The following PLA2G4C variants were observed in gnomAD, a reference collection of about 807,000 sequenced individuals.
PLA2G4C encodes the protein cytosolic phospholipase A2 gamma.
Under a neutral mutation model 73.8 loss-of-function variants are expected in PLA2G4C, and 64 were observed. The ratio of observed to expected loss-of-function variants is 0.87; its 90% CI spans 0.71 to 1.07. The LOEUF is 1.07. Ranked by LOEUF, PLA2G4C falls within the 50% of genes least tolerant of loss-of-function variation. The probability of loss-of-function intolerance (pLI) is 0.00; values close to 1 mark genes in which losing one functional copy is unlikely to be tolerated. For synonymous variants in PLA2G4C, 254 were observed against 252.1 expected (o/e 1.01, Z -0.07); for missense variants, 622 against 665.4 (o/e 0.93, Z 0.72).
chr19:48,057,549 G>C (rs1056239663), intron 14 of PLA2G4C, among the ~76,000 whole-genome samples: 20 of 131,404 alleles, frequency 1.5e-4, no homozygotes, highest in African/African-American at 4.3e-4. Flanking sequence ...GAGTGCAGTG[G>C]CGGGATCTTG....
Position 48,062,151 on chromosome 19 carries a change from A to C in PLA2G4C, c.1104T>G (p.Gly368=). The part of the protein sequence containing the change: ...GTTHNFLYKH[G]GIRDKIMSSR... ...TGCTCATTATCTTGTCCCGGATGCC[A>C]CCTGTGGTGCCCAGGAAGAAAGAGG... Residue 368 remains glycine (G), a splice_region_variant and synonymous_variant, in exon 14 of 17, where the codon GGT becomes GGG. Coordinates refer to ENST00000599921, the MANE Select transcript of PLA2G4C (RefSeq NM_003706.3). The C allele has an allele frequency of 6.4e-7, 1 of 1,559,130 alleles. No individual in the cohort carries two copies. The highest frequency in any genetic ancestry group is 8.7e-7 in the Non-Finnish European group (1 of 1,150,806).
At position 48,110,540 on chromosome 19, in the gene PLA2G4C, A is replaced by T. The variant is rs2032452365; in HGVS notation, c.-86T>A. The T allele has an allele frequency of 6.5e-7, 1 of 1,532,342 alleles. No individual in the cohort carries two copies. The highest frequency in any genetic ancestry group is 8.8e-7 in the Non-Finnish European group (1 of 1,142,414). 94.9% of individuals were successfully genotyped at this position (1,532,342 alleles called of 1,614,324 possible). A position where few individuals can be genotyped will look rare whatever the true frequency, so the allele number is the denominator to read the frequency against. ...TGCGCGGTGGAGCTTGTGCTCCGGAATCCGGTGCGGAGGCTTGGGCTCCCT... is the reference window on the plus strand; with the variant it reads ...TGCGCGGTGGAGCTTGTGCTCCGGATTCCGGTGCGGAGGCTTGGGCTCCCT... On this transcript the variant is annotated 5_prime_UTR_variant, in exon 1 of 17. Transcript: ENST00000599921.
chr19:48,110,473 C>T lies in PLA2G4C; in HGVS notation c.-33+14G>A, dbSNP rs1277659961. On this transcript the variant is annotated intron_variant, in intron 1 of 16. Transcript: ENST00000599921. ...CAGCGGGATGAAACAGCCCTCCCTG[C>T]CCCCACGGCTTGCCTGAGCCTGGGT... The T allele has an allele frequency of 8.2e-6, 12 of 1,456,412 alleles. No individual in the cohort carries two copies. In the Admixed American group the frequency reaches 2.4e-4, roughly 29 times the overall value. The allele number at this position is 1,456,412 out of a possible 1,614,324, so 90.2% of individuals were successfully genotyped here.
Position 48,048,196 on chromosome 19 carries a change from A to G in PLA2G4C, c.*147T>C. On this transcript the variant is annotated 3_prime_UTR_variant, in exon 17 of 17. Transcript: ENST00000599921. Reference sequence around the variant, plus strand: ...TATCAAAATCACAGTCTAGCTGGTCACTGGTGATTGGCCCTGTTAGGACAG... The same window carrying G: ...TATCAAAATCACAGTCTAGCTGGTCGCTGGTGATTGGCCCTGTTAGGACAG... 1.6e-6 allele frequency: 1 copy of G among 614,806 alleles called. No homozygotes were observed. Among genetic ancestry groups the G allele is most frequent in the South Asian group, 2.0e-5 (1 of 49,614 alleles). 38.1% of individuals were successfully genotyped at this position (614,806 alleles called of 1,614,324 possible).
chr19:48,053,421 G>T (rs1015263353), intron 15 of PLA2G4C, among the ~76,000 whole-genome samples: 18 of 143,722 alleles, frequency 1.3e-4, no homozygotes, highest in Non-Finnish European at 1.3e-4. Context: ...CCAGGCTGGA[G>T]TCCAATGGCA....
intron 16 of PLA2G4C, among the ~76,000 whole-genome samples, chr19:48,049,419 C>T (rs765778351): frequency 2.0e-5 from 3 of 152,058 alleles, no homozygotes; most frequent in African/African-American, 7.2e-5. Flanking sequence ...CTCAGCACAC[C>T]GCACGTTCGG....
Position 48,077,776 on chromosome 19 carries a change from G to T in PLA2G4C, c.893C>A (p.Pro298Gln), listed in dbSNP as rs760707526. The change falls in exon 11 of 17, where the codon CCA (proline) becomes CAA (glutamine). Residue 298 changes from proline (P) to glutamine (Q), a missense_variant. Coordinates refer to ENST00000599921, the MANE Select transcript of PLA2G4C (RefSeq NM_003706.3). ...TGGCAAAGTAGGATGCTTACCTTCT[G>T]GGGGAGGATGTTCCCCTTGTGAACT... ...QESSQGEHPPPEDEGGEPEHT... is the reference protein window; with the variant it reads ...QESSQGEHPPQEDEGGEPEHT... The T allele has an allele frequency of 1.5e-5, 23 of 1,546,030 alleles. No individual in the cohort carries two copies. Among genetic ancestry groups the T allele is most frequent in the African/African-American group, 2.7e-5 (2 of 73,966 alleles).
intron 13 of PLA2G4C, among the ~76,000 whole-genome samples, chr19:48,067,142 C>T (rs113396065): frequency 9.2e-5 from 14 of 151,486 alleles, no homozygotes; most frequent in African/African-American, 1.2e-4. Flanking sequence ...GGGTCAGTCC[C>T]CTGAAGGGAA....
chr19:48,077,670 A>G, intron 11 of PLA2G4C, 101 bp downstream of exon 11: 1 of 857,424 alleles, frequency 1.2e-6, no homozygotes, highest in Non-Finnish European at 1.8e-6. Flanking sequence ...AAGGAGCACC[A>G]CATGAATCAG....
chr19:48,110,554 C>CTTGGGCTCCGGAATCCGGTGCGGAGGT lies in PLA2G4C; in HGVS notation c.-101_-100insACCTCCGCACCGGATTCCGGAGCCCAA. The stretch of plus-strand genomic sequence containing the variant: ...TGTGCTCCGGAATCCGGTGCGGAGG[C>CTTGGGCTCCGGAATCCGGTGCGGAGGT]TTGGGCTCCCTGCGCTTAGCGGTGT... On this transcript the variant is annotated 5_prime_UTR_variant, in exon 1 of 17. Transcript: ENST00000599921. 1.3e-6 allele frequency: 2 copies of CTTGGGCTCCGGAATCCGGTGCGGAGGT among 1,489,874 alleles called. No homozygotes were observed. The highest frequency in any genetic ancestry group is 1.2e-5 in the South Asian group (1 of 80,148). The allele number at this position is 1,489,874 out of a possible 1,614,324, so 92.3% of individuals were successfully genotyped here.
chr19:48,061,974 G>C (rs375520931), intron 14 of PLA2G4C, 24 bp downstream of exon 14: 1 of 1,611,686 alleles, frequency 6.2e-7, no homozygotes, highest in Non-Finnish European at 8.5e-7. Flanking sequence ...ACCCAGGACC[G>C]GCCCCAAAGC....
At chr19:48,056,056 T>A (rs1465570726) in intron 14 of PLA2G4C, among the ~76,000 whole-genome samples, 1 of 152,214 alleles carries the variant, frequency 6.6e-6, no homozygotes, top group Non-Finnish European at 1.5e-5. Flanking sequence ...AGTTTCTCAG[T>A]TGTAACAAGT....
intron 13 of PLA2G4C, among the ~76,000 whole-genome samples, chr19:48,067,015 T>A (rs1284046001): frequency 6.6e-6 from 1 of 151,194 alleles, no homozygotes; most frequent in Non-Finnish European, 1.5e-5. Flanking sequence ...GGTGCAGGGA[T>A]TGGCATGGTC....
At chr19:48,050,395 C>T (rs548683645) in intron 16 of PLA2G4C, among the ~76,000 whole-genome samples, 6 of 152,238 alleles carry the variant, frequency 3.9e-5, no homozygotes, top group South Asian at 2.1e-4. Flanking sequence ...CTCTACCTTG[C>T]GACCCTGAGG....
Position 48,079,373 on chromosome 19 carries a change from T to C in PLA2G4C, c.845-1549A>G, listed in dbSNP as rs11564587. Among the ~76,000 whole-genome samples the C allele has an allele frequency of 1.8e-4, 28 of 152,192 alleles. No homozygotes were observed. In the East Asian group the frequency reaches 4.2e-3, roughly 23 times the overall value. On this transcript the variant is annotated intron_variant, in intron 10 of 16. Transcript: ENST00000599921. ...GAGCCCAGAAATAAAGCCAAATACT[T>C]ATAGCCAAGTGATCTTCGACAAAGC...
chr19:48,089,496 T>C (rs2031174309), intron 8 of PLA2G4C, among the ~76,000 whole-genome samples: 1 of 152,162 alleles, frequency 6.6e-6, no homozygotes, highest in Admixed American at 6.5e-5. Flanking sequence ...TGAATATACA[T>C]TAAATGAATG....
chr19:48,098,143 T>A lies in PLA2G4C; in HGVS notation c.564A>T (p.Ala188=), dbSNP rs1338682814. ...DLQPSWQEAR[A]PETWFEFTPH... ...TCCCTCTAAATGTTTGCTTACCTGG[T>A]GCTCTTGCCTCCTGCCAGGAAGGTT... Residue 188 remains alanine, a synonymous_variant, in exon 6 of 17, where the codon GCA becomes GCT. Coordinates refer to ENST00000599921, the MANE Select transcript of PLA2G4C (RefSeq NM_003706.3). The A allele has an allele frequency of 1.2e-6, 2 of 1,613,642 alleles. No individual in the cohort carries two copies. Among genetic ancestry groups the A allele is most frequent in the Non-Finnish European group, 1.7e-6 (2 of 1,179,762 alleles).
Position 48,054,913 on chromosome 19 carries a change from A to G in PLA2G4C, c.1394T>C (p.Met465Thr), listed in dbSNP as rs1469884481. ...ATCTATGTTGAACAGGGGAAAATGC[A>G]TCACCACTGGTCCAGTTTCTCCTTT... ...ILKGETGPVV[M>T]HFPLFNIDAC... The change falls in exon 15 of 17, where the codon ATG (methionine) becomes ACG (threonine). Residue 465 changes from methionine (M) to threonine (T), a missense_variant. Met to Thr is a moderately conservative substitution (Grantham distance 81, BLOSUM62 -1). Transcript: ENST00000599921. 6.2e-7 allele frequency: 1 copy of G among 1,614,034 alleles called. No individual in the cohort carries two copies. The highest frequency in any genetic ancestry group is 1.7e-5 in the Admixed American group (1 of 59,996).
At chr19:48,049,280 C>T (rs111598314) in intron 16 of PLA2G4C, among the ~76,000 whole-genome samples, 1 of 152,178 alleles carries the variant, frequency 6.6e-6, no homozygotes, top group African/African-American at 2.4e-5. Flanking sequence ...TTCCTTTGCA[C>T]AGAATTCTGT....
Sources: allele counts gnomAD v4.1 joint callset (sites outside exome capture counted in the v4.1 genomes callset), GRCh38; gene constraint gnomAD v4.1.1; transcripts MANE v1.5; gene names NCBI Gene and HGNC (gene_info 2026-07-23, HGNC 2026-07-21).